The following GOSR1 variants were observed in gnomAD, a reference collection of about 807,000 sequenced individuals.
The protein encoded by GOSR1 is 28 kDa Golgi SNARE protein.
A neutral mutation model predicts 35.5 loss-of-function variants in GOSR1; 21 were observed. The observed-to-expected ratio is 0.59, with a 90% confidence interval of 0.42 to 0.85. The LOEUF (loss-of-function observed/expected upper bound fraction) is 0.85. Among genes scored for constraint, GOSR1 ranks in the 40% least tolerant of loss-of-function variants. The probability of loss-of-function intolerance (pLI) is 0.00; values close to 1 mark genes in which losing one functional copy is unlikely to be tolerated. For missense variants in GOSR1, 285 were observed against 309.6 expected, an observed-to-expected ratio of 0.92 and a Z score of 0.60; for synonymous variants, 94 against 106.6, an observed-to-expected ratio of 0.88 and a Z score of 0.73.
At chr17:30,521,805 A>G (rs1268389415) in intron 8 of GOSR1, among the ~76,000 whole-genome samples, 1 of 152,190 alleles carries the variant, frequency 6.6e-6, no homozygotes, top group Non-Finnish European at 1.5e-5. Flanking sequence ...AGAACTCCCC[A>G]GTCTCCTGAG....
intron 7 of GOSR1, among the ~76,000 whole-genome samples, chr17:30,515,731 G>A (rs569344993): frequency 3.9e-5 from 6 of 152,244 alleles, no homozygotes; most frequent in Admixed American, 2.0e-4. Flanking sequence ...TCACAGTGGT[G>A]GATTTGGAGC....
intron 4 of GOSR1, chr17:30,485,271 T>A: frequency 7.7e-6 from 1 of 129,336 alleles, no homozygotes; most frequent in Non-Finnish European, 1.7e-5. Context: ...AGGAAGGCAA[T>A]TTTTTTTTTT....
intron 6 of GOSR1, among the ~76,000 whole-genome samples, chr17:30,510,233 C>G (rs1411855031): frequency 6.6e-6 from 1 of 151,986 alleles, no homozygotes; most frequent in South Asian, 2.1e-4. Context: ...ATTAGCATAC[C>G]CAGCTAATGT....
chr17:30,484,614 A>T, intron 3 of GOSR1, 49 bp from the exon 4 acceptor site: 1 of 1,031,596 alleles, frequency 9.7e-7, no homozygotes, highest in Non-Finnish European at 1.5e-6. Context: ...TTAGCTGTTT[A>T]TAGTGCTTAG....
intron 1 of GOSR1, 69 bp downstream of exon 1, chr17:30,477,533 G>A: frequency 6.5e-7 from 1 of 1,547,282 alleles, no homozygotes; most frequent in Non-Finnish European, 8.8e-7. Context: ...CAGATCTTGG[G>A]AGAAGCAGCA....
intron 7 of GOSR1, among the ~76,000 whole-genome samples, chr17:30,517,798 T>A (rs1025406318): frequency 6.6e-6 from 1 of 152,246 alleles, no homozygotes; most frequent in Admixed American, 6.5e-5. Flanking sequence ...ATCTCAAATC[T>A]TGAAATTCAA....
At chr17:30,489,030 T>C (rs766467582) in intron 4 of GOSR1, among the ~76,000 whole-genome samples, 34 of 152,346 alleles carry the variant, frequency 2.2e-4, no homozygotes, top group Non-Finnish European at 4.4e-4. Context: ...TACATCAGAA[T>C]GTATATTATG....
chr17:30,518,328 A>G (rs1254636853), intron 7 of GOSR1, among the ~76,000 whole-genome samples: 1 of 151,516 alleles, frequency 6.6e-6, no homozygotes, highest in East Asian at 1.9e-4. Flanking sequence ...GACCCTCCTT[A>G]GTGTGTCTGC....
chr17:30,516,146 T>C (rs1967798975), intron 7 of GOSR1, among the ~76,000 whole-genome samples: 1 of 151,532 alleles, frequency 6.6e-6, no homozygotes, highest in African/African-American at 2.4e-5. Context: ...AGTGTTCTTA[T>C]TGTAACAACT....
chr17:30,517,809 G>A (rs1371282228), intron 7 of GOSR1, among the ~76,000 whole-genome samples: 2 of 152,106 alleles, frequency 1.3e-5, no homozygotes, highest in Non-Finnish European at 2.9e-5. Context: ...TGAAATTCAA[G>A]TTTTGATTCA....
At chr17:30,517,719 T>C (rs921689032) in intron 7 of GOSR1, among the ~76,000 whole-genome samples, 1 of 152,204 alleles carries the variant, frequency 6.6e-6, no homozygotes, top group Non-Finnish European at 1.5e-5. Context: ...TCTTGGGGAT[T>C]TCTGATTTTC....
chr17:30,483,490 G>C (rs1914483138), intron 2 of GOSR1, among the ~76,000 whole-genome samples: 1 of 152,112 alleles, frequency 6.6e-6, no homozygotes, highest in Non-Finnish European at 1.5e-5. Flanking sequence ...CATATATCTG[G>C]TAGAGGAGGA....
chr17:30,520,096 G>T (rs1036519009), intron 8 of GOSR1, 75 bp downstream of exon 8: 29 of 917,868 alleles, frequency 3.2e-5, no homozygotes, highest in Non-Finnish European at 4.5e-5. Flanking sequence ...TTTTATAGGG[G>T]GCAGGTTGCC....
At chr17:30,485,604 A>G (rs112595426) in intron 4 of GOSR1, among the ~76,000 whole-genome samples, 1,727 of 152,220 alleles carry the variant, frequency 0.011, 33 homozygotes, top group African/African-American at 0.039. Context: ...TGTATGGGCA[A>G]TCCACCCCCT....
chr17:30,515,870 T>C (rs1037414856), intron 7 of GOSR1, among the ~76,000 whole-genome samples: 4 of 152,226 alleles, frequency 2.6e-5, no homozygotes, highest in African/African-American at 9.6e-5. Context: ...GGCCTAAAAG[T>C]ATTGGGAAGA....
At chr17:30,481,287 T>G in intron 2 of GOSR1, 30 bp downstream of exon 2, 1 of 1,523,210 alleles carries the variant, frequency 6.6e-7, no homozygotes, top group Non-Finnish European at 9.0e-7. Context: ...CTGTCTCCTA[T>G]GCCTTAACTG....
chr17:30,508,987 T>G (rs915999648), intron 6 of GOSR1, among the ~76,000 whole-genome samples: 1 of 152,128 alleles, frequency 6.6e-6, no homozygotes, highest in African/African-American at 2.4e-5. Flanking sequence ...TGACTTTTTT[T>G]TTTTCCTGAG....
intron 6 of GOSR1, among the ~76,000 whole-genome samples, chr17:30,509,556 G>T (rs4795556): frequency 0.43 from 66,002 of 152,086 alleles, 15,105 homozygotes; most frequent in East Asian, 0.83. Flanking sequence ...AATACATGCA[G>T]ATATTTATTT....
At chr17:30,490,326 G>T in intron 5 of GOSR1, 109 bp downstream of exon 5, 1 of 578,502 alleles carries the variant, frequency 1.7e-6, no homozygotes, top group Non-Finnish European at 3.2e-6. Flanking sequence ...GAGATTTTAG[G>T]GTTTCCAATT....
Sources: gnomAD v4.1 joint callset for allele counts (sites outside exome capture counted in the v4.1 genomes callset) on GRCh38, gnomAD v4.1.1 for gene constraint, MANE v1.5 for transcripts, NCBI Gene and HGNC (gene_info 2026-07-23, HGNC 2026-07-21) for gene names.